SORCS3: variants seen among roughly 807,000 people sequenced by gnomAD.
The protein encoded by SORCS3 is sortilin related VPS10 domain containing receptor 3.
In SORCS3, 57 loss-of-function variants were observed where a neutral mutation model predicts 146.3. The observed-to-expected ratio is 0.39, with a 90% CI of 0.31 to 0.49. The LOEUF is 0.49. Ranked by LOEUF, SORCS3 falls within the 20% of genes least tolerant of loss-of-function variation. The pLI, the probability that SORCS3 is intolerant of heterozygous loss-of-function variation, is 0.92. For synonymous variants in SORCS3, 653 were observed against 618.5 expected, an observed-to-expected ratio of 1.06 and a Z score of -0.83; for missense variants, 1,341 against 1,575.5, an observed-to-expected ratio of 0.85 and a Z score of 2.52.
intron 24 of SORCS3, among the ~76,000 whole-genome samples, chr10:105,256,156 C>T (rs10884124): frequency 0.074 from 11,192 of 152,114 alleles, 629 homozygotes; most frequent in Admixed American, 0.15. Flanking sequence ...TTCATTCATT[C>T]GATTATCTGA....
At chr10:104,830,379 C>T (rs2017987004) in intron 1 of SORCS3, among the ~76,000 whole-genome samples, 1 of 152,172 alleles carries the variant, frequency 6.6e-6, no homozygotes, top group African/African-American at 2.4e-5. Context: ...CATCACGTGA[C>T]TGCCTAGGAG....
intron 3 of SORCS3, among the ~76,000 whole-genome samples, chr10:104,923,982 A>T (rs2019113526): frequency 6.6e-6 from 1 of 152,216 alleles, no homozygotes; most frequent in Non-Finnish European, 1.5e-5. Flanking sequence ...AACTCATTTA[A>T]TACTTCAACA....
intron 4 of SORCS3, among the ~76,000 whole-genome samples, chr10:105,027,252 G>A (rs1054371923): frequency 3.9e-5 from 6 of 152,112 alleles, no homozygotes; most frequent in Admixed American, 1.3e-4. Context: ...CCTCAGAGAA[G>A]TCTCCTCTGG....
At chr10:105,241,445 G>T (rs376934610) in intron 20 of SORCS3, among the ~76,000 whole-genome samples, 1 of 152,208 alleles carries the variant, frequency 6.6e-6, no homozygotes, top group Non-Finnish European at 1.5e-5. Context: ...TACCATCTGC[G>T]GACAGTGGCA....
At chr10:104,959,465 A>G (rs887133465) in intron 3 of SORCS3, among the ~76,000 whole-genome samples, 9 of 152,076 alleles carry the variant, frequency 5.9e-5, no homozygotes, top group African/African-American at 1.2e-4. Context: ...ATGAACAAGG[A>G]AGCAGGCTCT....
In SORCS3 at chr10:105,175,945, A is replaced by C. The variant is rs1004555590; in HGVS notation, c.1902-2121A>C. Among the ~76,000 whole-genome samples, 21 of 152,218 alleles carry C rather than the reference A, an allele frequency of 1.4e-4. No homozygotes were observed. In the East Asian group the frequency reaches 4.1e-3, roughly 29 times the overall value. ...TTGTTTTTAATCTGTACATTAGGAC[A>C]GAGAGGATAAAATAGAATAAAATAG... On this transcript the variant is annotated intron_variant, in intron 13 of 26. Coordinates refer to ENST00000369701, the MANE Select transcript of SORCS3 (RefSeq NM_014978.3).
intron 1 of SORCS3, among the ~76,000 whole-genome samples, chr10:104,840,064 G>A (rs2018119705): frequency 6.6e-6 from 1 of 152,094 alleles, no homozygotes; most frequent in South Asian, 2.1e-4. Flanking sequence ...TGTAACCATT[G>A]GCCAGGAGCA....
chr10:104,654,397 T>C (rs1364123489), intron 1 of SORCS3, among the ~76,000 whole-genome samples: 8 of 152,230 alleles, frequency 5.3e-5, no homozygotes, highest in South Asian at 2.1e-4. Context: ...TCCATAGTAG[T>C]TGCACTAATT....
chr10:104,854,276 AGATGCAAGT>A (rs2018305767), intron 2 of SORCS3, among the ~76,000 whole-genome samples: 1 of 152,134 alleles, frequency 6.6e-6, no homozygotes, highest in Non-Finnish European at 1.5e-5. Flanking sequence ...CCACACTAAG[AGATGCAAGT>A]AGAATGCTCT....
intron 4 of SORCS3, among the ~76,000 whole-genome samples, chr10:105,012,673 T>C (rs2055142408): frequency 6.6e-6 from 1 of 152,126 alleles, no homozygotes; most frequent in Admixed American, 6.6e-5. Context: ...ATCTATGAGG[T>C]TGACTTCAAA....
In SORCS3 at chr10:104,641,297, C is replaced by G. The variant is rs2015410365; in HGVS notation, c.-31C>G. The G allele has an allele frequency of 7.9e-7, 1 of 1,267,770 alleles. No individual in the cohort carries two copies. Among genetic ancestry groups the G allele is most frequent in the African/African-American group, 1.6e-5 (1 of 63,754 alleles). 78.5% of individuals were successfully genotyped at this position (1,267,770 alleles called of 1,614,324 possible). A position where few individuals can be genotyped will look rare whatever the true frequency, so the allele number is the denominator to read the frequency against. Reference sequence around the variant, plus strand: ...CGCACCTCGGCGGGCGCCACACACTCGGCAGCCCGAGCCGCGGTAGCCGCA... The same window carrying G: ...CGCACCTCGGCGGGCGCCACACACTGGGCAGCCCGAGCCGCGGTAGCCGCA... On this transcript the variant is annotated 5_prime_UTR_variant, in exon 1 of 27. Coordinates refer to ENST00000369701, the MANE Select transcript of SORCS3 (RefSeq NM_014978.3). The surrounding 1 kb of genome is among the most constrained non-coding windows in gnomAD (Gnocchi z 6.4).
chr10:105,238,638 A>G (rs1251392089), intron 20 of SORCS3, among the ~76,000 whole-genome samples: 1 of 152,206 alleles, frequency 6.6e-6, no homozygotes, highest in Non-Finnish European at 1.5e-5. Context: ...AATGATAAAA[A>G]TTGATGCTTT....
intron 2 of SORCS3, among the ~76,000 whole-genome samples, chr10:104,903,783 G>A (rs1014853707): frequency 6.6e-6 from 1 of 152,114 alleles, no homozygotes; most frequent in African/African-American, 2.4e-5. Flanking sequence ...GTTTACTAGA[G>A]GCTACCTGGC....
At chr10:104,964,687 T>C (rs2054816470) in intron 3 of SORCS3, among the ~76,000 whole-genome samples, 2 of 152,210 alleles carry the variant, frequency 1.3e-5, no homozygotes, top group East Asian at 3.8e-4. Context: ...CGTGTCTTAT[T>C]TTTATATTTA....
chr10:104,972,898 G>A (rs2054869504), intron 3 of SORCS3, among the ~76,000 whole-genome samples: 2 of 152,114 alleles, frequency 1.3e-5, no homozygotes, highest in Non-Finnish European at 2.9e-5. Flanking sequence ...AGAGTTTTTA[G>A]CATGAAGGGT....
Position 105,223,768 on chromosome 10 carries a change from G to A in SORCS3, c.2868+519G>A, listed in dbSNP as rs568214545. Among the ~76,000 whole-genome samples the A allele has an allele frequency of 8.8e-4, 134 of 152,286 alleles. 1 individual carries two copies. Among genetic ancestry groups the A allele is most frequent in the Middle Eastern group, 3.4e-3 (1 of 294 alleles). The stretch of plus-strand genomic sequence containing the variant: ...CGTCTCAAAGAAAGGAACAAAAGAG[G>A]CCAAACTCTGGACTTGCCATATACT... On this transcript the variant is annotated intron_variant, in intron 20 of 26. Coordinates refer to ENST00000369701, the MANE Select transcript of SORCS3 (RefSeq NM_014978.3).
chr10:104,669,307 T>C (rs1040285624), intron 1 of SORCS3, among the ~76,000 whole-genome samples: 5 of 152,204 alleles, frequency 3.3e-5, no homozygotes, highest in Non-Finnish European at 7.3e-5. Flanking sequence ...ATTAAGTACA[T>C]TCATAATGTT....
chr10:104,725,599 C>G lies in SORCS3; in HGVS notation c.627+83645C>G, dbSNP rs182767069. 2.2e-4 allele frequency among the ~76,000 whole-genome samples: 33 copies of G among 152,342 alleles called. 1 individual carries two copies. Among genetic ancestry groups the G allele is most frequent in the African/African-American group, 7.9e-4 (33 of 41,578 alleles). On this transcript the variant is annotated intron_variant, in intron 1 of 26. Transcript: ENST00000369701. ...GTGGAGTCTATAGAGGCAGGCAGGC[C>G]TCCTTGAGCTGAGGTGGGCTCCACC...
intron 11 of SORCS3, among the ~76,000 whole-genome samples, chr10:105,162,383 G>A (rs537455738): frequency 1.3e-5 from 2 of 152,196 alleles, no homozygotes; most frequent in South Asian, 4.2e-4. Flanking sequence ...CTTCCAACAT[G>A]GTTGGCAGCC....
Sources: gnomAD v4.1 joint callset for allele counts (sites outside exome capture counted in the v4.1 genomes callset) on GRCh38, gnomAD v4.1.1 for gene constraint, Gnocchi (gnomAD v3.1) non-coding constraint, MANE v1.5 for transcripts, NCBI Gene and HGNC (gene_info 2026-07-23, HGNC 2026-07-21) for gene names.